The following NPAS2 variants were observed in gnomAD, a reference collection of about 807,000 sequenced individuals.
The protein encoded by NPAS2 is neuronal PAS domain-containing protein 2.
In NPAS2, 23 loss-of-function variants were observed where a neutral mutation model predicts 107.5. That is an observed-to-expected ratio of 0.21 (90% CI 0.15 to 0.30). NPAS2 has a LOEUF of 0.30. Among genes scored for constraint, NPAS2 ranks in the 10% least tolerant of loss-of-function variants. The pLI is 1.00. For missense variants in NPAS2, 756 were observed against 1,043.3 expected, an observed-to-expected ratio of 0.72 and a Z score of 3.79; for synonymous variants, 403 against 417.5, an observed-to-expected ratio of 0.97 and a Z score of 0.42.
chr2:100,923,240 A>T (rs1683349191), intron 2 of NPAS2, among the ~76,000 whole-genome samples: 1 of 152,138 alleles, frequency 6.6e-6, no homozygotes, highest in Non-Finnish European at 1.5e-5. Flanking sequence ...CCAAGAACAG[A>T]CAGGGAGGAG....
At chr2:100,891,254 GGAT>G (rs1343352507) in intron 1 of NPAS2, among the ~76,000 whole-genome samples, 5 of 151,626 alleles carry the variant, frequency 3.3e-5, no homozygotes, top group African/African-American at 1.2e-4. Flanking sequence ...AAAGAAGTGA[GGAT>G]GACAGGAGAA....
At chr2:100,939,926 T>C (rs1041495471) in intron 5 of NPAS2, among the ~76,000 whole-genome samples, 1 of 152,200 alleles carries the variant, frequency 6.6e-6, no homozygotes, top group Non-Finnish European at 1.5e-5. Flanking sequence ...CTGGACCCAC[T>C]TGAATGCAAA....
chr2:100,948,923 A>G (rs1458838994), intron 6 of NPAS2, among the ~76,000 whole-genome samples: 1 of 152,226 alleles, frequency 6.6e-6, no homozygotes, highest in East Asian at 1.9e-4. Flanking sequence ...ACACAATTGC[A>G]TGAGGTAGCA....
chr2:100,950,257 G>A (rs1675142833), intron 7 of NPAS2, among the ~76,000 whole-genome samples: 1 of 151,900 alleles, frequency 6.6e-6, no homozygotes, highest in Admixed American at 6.6e-5. Flanking sequence ...CTTTGAAACA[G>A]CTAACATTTC....
chr2:100,854,829 G>A (rs991348896), intron 1 of NPAS2, among the ~76,000 whole-genome samples: 2 of 152,216 alleles, frequency 1.3e-5, no homozygotes, highest in African/African-American at 4.8e-5. Flanking sequence ...GTTGGTACGT[G>A]CATTCACCTG....
Position 100,996,122 on chromosome 2 carries a change from T to A in NPAS2, c.*540T>A, listed in dbSNP as rs1053095. The A allele has an allele frequency of 0.36, 129,108 of 355,574 alleles. 26,250 individuals are homozygous for A. Among genetic ancestry groups the A allele is most frequent in the South Asian group, 0.41 (10,391 of 25,312 alleles). 22.0% of individuals were successfully genotyped at this position (355,574 alleles called of 1,614,324 possible). On this transcript the variant is annotated 3_prime_UTR_variant, in exon 21 of 21. Coordinates refer to ENST00000335681, the MANE Select transcript of NPAS2 (RefSeq NM_002518.4). ...TAACTTAGGCACTTTCTGTTTTTTTTAAAAAAATAATAAGGTCTCATGGCT... is the reference window on the plus strand; with the variant it reads ...TAACTTAGGCACTTTCTGTTTTTTTAAAAAAAATAATAAGGTCTCATGGCT...
intron 2 of NPAS2, among the ~76,000 whole-genome samples, chr2:100,922,353 TGGTGGA>T (rs1467931414): frequency 5.9e-5 from 9 of 152,082 alleles, no homozygotes; most frequent in African/African-American, 2.2e-4. Flanking sequence ...AGGCCGAGGC[TGGTGGA>T]TCACCTGAGG....
chr2:100,909,162 C>G (rs1295823354), intron 2 of NPAS2, among the ~76,000 whole-genome samples: 1 of 152,206 alleles, frequency 6.6e-6, no homozygotes, highest in Non-Finnish European at 1.5e-5. Flanking sequence ...ACCATCCCAT[C>G]TGTATTTGTT....
At chr2:100,844,532 A>G (rs140080838) in intron 1 of NPAS2, among the ~76,000 whole-genome samples, 68 of 152,322 alleles carry the variant, frequency 4.5e-4, no homozygotes, top group African/African-American at 1.6e-3. Context: ...CTCTGCAGGT[A>G]TAAAAGGTGT....
intron 17 of NPAS2, 128 bp downstream of exon 17, chr2:100,988,404 G>A: frequency 1.3e-6 from 1 of 747,640 alleles, no homozygotes; most frequent in Admixed American, 2.7e-5. Flanking sequence ...TATGGACTGA[G>A]GGTAGATTTG....
chr2:100,911,336 G>GT (rs1682534146), intron 2 of NPAS2, among the ~76,000 whole-genome samples: 1 of 152,120 alleles, frequency 6.6e-6, no homozygotes, highest in Non-Finnish European at 1.5e-5. Context: ...TATGTCATCT[G>GT]TATTCCCATT....
intron 1 of NPAS2, among the ~76,000 whole-genome samples, chr2:100,880,419 A>G (rs900843366): frequency 1.2e-4 from 18 of 152,238 alleles, no homozygotes; most frequent in African/African-American, 4.1e-4. Flanking sequence ...ATGTGGTACC[A>G]TATGTATATA....
rs1022288186 is a variant in NPAS2, at chr2:100,995,947, C to G, written c.*365C>G. Reference sequence around the variant, plus strand: ...GCCACCTGCGGCCCGCCCATCTGCGCTAGCTGGCCTTCACGCTCTTGATCG... The same window carrying G: ...GCCACCTGCGGCCCGCCCATCTGCGGTAGCTGGCCTTCACGCTCTTGATCG... On this transcript the variant is annotated 3_prime_UTR_variant, in exon 21 of 21. Coordinates refer to ENST00000335681, the MANE Select transcript of NPAS2 (RefSeq NM_002518.4). 221 of 1,365,706 alleles carry G rather than the reference C, an allele frequency of 1.6e-4. No homozygotes were observed. Among genetic ancestry groups the G allele is most frequent in the Admixed American group, 4.5e-5 (2 of 44,618 alleles). The allele number at this position is 1,365,706 out of a possible 1,614,324, so 84.6% of individuals were successfully genotyped here.
intron 17 of NPAS2, chr2:100,989,878 C>A (rs1200910924): frequency 1.5e-5 from 3 of 195,200 alleles, no homozygotes; most frequent in African/African-American, 2.3e-5. Context: ...AAGAATGAGC[C>A]ATGTCAATGT....
intron 1 of NPAS2, among the ~76,000 whole-genome samples, chr2:100,869,231 T>C (rs929157624): frequency 6.6e-6 from 1 of 152,148 alleles, no homozygotes; most frequent in Non-Finnish European, 1.5e-5. Context: ...CCACCATGCT[T>C]GGTCTAAACA....
intron 5 of NPAS2, among the ~76,000 whole-genome samples, chr2:100,941,994 G>A (rs1674602687): frequency 6.6e-6 from 1 of 152,156 alleles, no homozygotes; most frequent in South Asian, 2.1e-4. Context: ...CATTGAACGA[G>A]GGACTGAATT....
chr2:100,902,651 A>G (rs557797763), intron 1 of NPAS2, among the ~76,000 whole-genome samples: 1 of 152,366 alleles, frequency 6.6e-6, no homozygotes, highest in East Asian at 1.9e-4. Context: ...GCCTAACAGT[A>G]TGAATGTGCT....
At chr2:100,877,759 A>G (rs1168992697) in intron 1 of NPAS2, among the ~76,000 whole-genome samples, 2 of 152,154 alleles carry the variant, frequency 1.3e-5, no homozygotes, top group African/African-American at 2.4e-5. Context: ...TCATCACCGA[A>G]GCAGCTTGGC....
chr2:100,890,206 C>T (rs1680961491), intron 1 of NPAS2, among the ~76,000 whole-genome samples: 2 of 152,200 alleles, frequency 1.3e-5, no homozygotes, highest in African/African-American at 2.4e-5. Flanking sequence ...GGTATAATGC[C>T]TCTGCAAGGC....
Sources: allele counts gnomAD v4.1 joint callset (sites outside exome capture counted in the v4.1 genomes callset), GRCh38; gene constraint gnomAD v4.1.1; transcripts MANE v1.5; gene names NCBI Gene and HGNC (gene_info 2026-07-23, HGNC 2026-07-21).